CNOT4: variants seen among roughly 807,000 people sequenced by gnomAD.
CNOT4 encodes the protein CCR4-associated factor 4.
In CNOT4, 8 loss-of-function variants were observed where a neutral mutation model predicts 73.8. The observed-to-expected ratio is 0.11, with a 90% CI of 0.06 to 0.20. The LOEUF (loss-of-function observed/expected upper bound fraction) is 0.20. Among genes scored for constraint, CNOT4 ranks in the 10% least tolerant of loss-of-function variants. CNOT4 has a pLI of 1.00. For missense variants in CNOT4, 564 were observed against 883.4 expected, an observed-to-expected ratio of 0.64 and a Z score of 4.58; for synonymous variants, 293 against 321.1, an observed-to-expected ratio of 0.91 and a Z score of 0.94.
Position 135,394,358 on chromosome 7 carries a change from G to C in CNOT4, c.1187C>G (p.Ser396Cys). 6.2e-7 allele frequency: 1 copy of C among 1,613,952 alleles called. No individual in the cohort carries two copies. Among genetic ancestry groups the C allele is most frequent in the Non-Finnish European group, 8.5e-7 (1 of 1,179,818 alleles). Residue 396 changes from serine to cysteine, a missense_variant, in exon 10 of 12, where the codon TCT becomes TGT. By Grantham distance (112) the Ser-to-Cys change is moderately radical. Around this residue, in one of 10 missense-constraint regions of CNOT4, gnomAD observed 14 missense variants for 60.4 expected, o/e 0.23. Coordinates refer to ENST00000541284, the MANE Select transcript of CNOT4 (RefSeq NM_001190850.2). ...DWQAAFGFGS[S>C]KQPEDDLGFD... The stretch of plus-strand genomic sequence containing the variant: ...ACCCAAGTCATCCTCTGGTTGTTTA[G>C]AAGAACCAAAGCCAAAAGCTGCTTG...
intron 2 of CNOT4, among the ~76,000 whole-genome samples, chr7:135,422,835 A>G (rs1313365661): frequency 6.6e-6 from 1 of 152,180 alleles, no homozygotes; most frequent in Non-Finnish European, 1.5e-5. Context: ...GGAACATAGT[A>G]ATCTCTCAGT....
At chr7:135,478,573 G>A (rs557156599) in intron 1 of CNOT4, among the ~76,000 whole-genome samples, 3 of 152,168 alleles carry the variant, frequency 2.0e-5, no homozygotes, top group South Asian at 2.1e-4. Context: ...ATGGTGGCAC[G>A]TGCCTGTGGT....
In CNOT4 at chr7:135,363,098, C is replaced by A. The variant is rs750388870; in HGVS notation, c.1929G>T (p.Glu643Asp). ...HWLKSLQALT[E>D]MDGPSAAPSQ... ...ATGGAGCAGCGCTGGGGCCGTCCAT[C>A]TCTGTGAGGGCCTGAAGGGATTTTA... Residue 643 changes from glutamate (E) to aspartate (D), a missense_variant, in exon 12 of 12, where the codon GAG becomes GAT. Glu to Asp is a conservative substitution (Grantham distance 45). Around this residue, in one of 10 missense-constraint regions of CNOT4, gnomAD observed 88 missense variants for 94.7 expected, o/e 0.93. Coordinates refer to ENST00000541284, the MANE Select transcript of CNOT4 (RefSeq NM_001190850.2). The surrounding 1 kb of genome is among the most constrained non-coding windows in gnomAD (Gnocchi z 4.3). 6.2e-7 allele frequency: 1 copy of A among 1,614,020 alleles called. No homozygotes were observed. The highest frequency in any genetic ancestry group is 1.1e-5 in the South Asian group (1 of 91,076).
At position 135,384,676 on chromosome 7, in the gene CNOT4, T is replaced by C. The variant is rs1796030721; in HGVS notation, c.1627+9242A>G. ...CATCTATTATCCTACTGAATGAGCC[T>C]ATCTTCTCTTCAGCACTGCCAGTCT... On this transcript the variant is annotated intron_variant, in intron 10 of 11. Coordinates refer to ENST00000541284, the MANE Select transcript of CNOT4 (RefSeq NM_001190850.2). 7.8e-6 allele frequency: 6 copies of C among 765,332 alleles called. No individual in the cohort carries two copies. In the East Asian group the frequency reaches 1.5e-4, roughly 19 times the overall value. The allele number at this position is 765,332 out of a possible 1,614,324, so 47.4% of individuals were successfully genotyped here. A position where few individuals can be genotyped will look rare whatever the true frequency, so the allele number is the denominator to read the frequency against.
At chr7:135,373,882 A>C (rs1375216261) in intron 10 of CNOT4, among the ~76,000 whole-genome samples, 1 of 152,134 alleles carries the variant, frequency 6.6e-6, no homozygotes, top group Non-Finnish European at 1.5e-5. Flanking sequence ...TGCCCAGTCT[A>C]GAATTAGTTC....
intron 5 of CNOT4, among the ~76,000 whole-genome samples, chr7:135,414,045 C>G (rs1437833399): frequency 2.0e-5 from 3 of 151,910 alleles, no homozygotes; most frequent in African/African-American, 7.3e-5. Flanking sequence ...CTACCTATTT[C>G]TGAAGAAAAT....
intron 1 of CNOT4, among the ~76,000 whole-genome samples, chr7:135,481,349 A>G (rs1802368125): frequency 6.6e-6 from 1 of 152,156 alleles, no homozygotes; most frequent in East Asian, 1.9e-4. Context: ...AACATCACTA[A>G]TCATCAGGGA....
At position 135,413,483 on chromosome 7, in the gene CNOT4, A is replaced by C; in HGVS notation, c.687+5T>G. 1 of 1,611,242 alleles carries C rather than the reference A, an allele frequency of 6.2e-7. No individual in the cohort carries two copies. The highest frequency in any genetic ancestry group is 8.5e-7 in the Non-Finnish European group (1 of 1,178,062). On this transcript the variant is annotated splice_donor_5th_base_variant and intron_variant, in intron 6 of 11. Coordinates refer to ENST00000541284, the MANE Select transcript of CNOT4 (RefSeq NM_001190850.2). ...CAAAGTTGATAATTCACATGACTTT[A>C]CTACCTGCATTTCCTCTTTTGTGAA...
chr7:135,386,072 T>C (rs1281401861), intron 10 of CNOT4: 2 of 151,632 alleles, frequency 1.3e-5, no homozygotes, highest in African/African-American at 2.4e-5. Flanking sequence ...GAGGCACTTA[T>C]AATTCATCAT....
chr7:135,439,857 G>C (rs1335280421), intron 1 of CNOT4, among the ~76,000 whole-genome samples: 2 of 152,066 alleles, frequency 1.3e-5, no homozygotes, highest in Non-Finnish European at 2.9e-5. Flanking sequence ...AGATGGGAAG[G>C]CTGGACCATT....
chr7:135,495,686 AAAAAAAAGAAAGAAAGAAAGAAAG>A (rs1563083420), intron 1 of CNOT4, among the ~76,000 whole-genome samples: 3,249 of 85,922 alleles, frequency 0.038, 402 homozygotes, highest in East Asian at 0.072. Flanking sequence ...AAAAAAAAAA[AAAAAAAAGAAAGAAAGAAAGAAAG>A]AAAGAAAGAA....
intron 7 of CNOT4, among the ~76,000 whole-genome samples, chr7:135,403,272 C>CAG (rs1401032866): frequency 6.6e-6 from 1 of 152,148 alleles, no homozygotes; most frequent in African/African-American, 2.4e-5. Flanking sequence ...TGCCATTTAC[C>CAG]AGAGTCCCTA....
intron 1 of CNOT4, among the ~76,000 whole-genome samples, chr7:135,504,490 A>G (rs568396916): frequency 0.025 from 1,210 of 49,178 alleles, 149 homozygotes; most frequent in Non-Finnish European, 0.036. Context: ...TTTTTTTTTT[A>G]TTTTTATTTT....
intron 1 of CNOT4, among the ~76,000 whole-genome samples, chr7:135,466,296 A>T (rs2129486520): frequency 6.6e-6 from 1 of 151,808 alleles, no homozygotes; most frequent in East Asian, 1.9e-4. Context: ...AACCTGTCCA[A>T]CAACATGTCT....
intron 2 of CNOT4, among the ~76,000 whole-genome samples, chr7:135,425,084 C>T (rs1179014380): frequency 1.3e-5 from 2 of 152,086 alleles, no homozygotes; most frequent in African/African-American, 4.8e-5. Flanking sequence ...TCAATGTAGT[C>T]GAACATATGA....
intron 1 of CNOT4, among the ~76,000 whole-genome samples, chr7:135,506,826 T>C (rs1292698265): frequency 2.7e-5 from 4 of 149,590 alleles, no homozygotes; most frequent in African/African-American, 9.9e-5. Context: ...CCAGCCTGAG[T>C]GACAGAGCGA....
At chr7:135,388,594 C>G in intron 10 of CNOT4, 1 of 1,172,168 alleles carries the variant, frequency 8.5e-7, no homozygotes, top group Admixed American at 4.1e-5. Flanking sequence ...AAAATTATTA[C>G]ACTAATAAAT....
intron 1 of CNOT4, among the ~76,000 whole-genome samples, chr7:135,455,034 AG>A (rs1250127449): frequency 2.0e-5 from 3 of 152,084 alleles, no homozygotes; most frequent in Admixed American, 2.0e-4. Flanking sequence ...CTGAGGCAAG[AG>A]GATCACTTGA....
At chr7:135,460,209 G>A (rs145531260) in intron 1 of CNOT4, among the ~76,000 whole-genome samples, 188 of 152,260 alleles carry the variant, frequency 1.2e-3, no homozygotes, top group African/African-American at 4.2e-3. Flanking sequence ...AGGCTGTCTC[G>A]CTTTCTTATC....
Sources: allele counts gnomAD v4.1 joint callset (sites outside exome capture counted in the v4.1 genomes callset), GRCh38; gene constraint gnomAD v4.1.1; regional missense constraint gnomAD v4.1.1; non-coding constraint Gnocchi (gnomAD v3.1); transcripts MANE v1.5; gene names NCBI Gene and HGNC (gene_info 2026-07-23, HGNC 2026-07-21).